Variants in NVL observed in about 807,000 individuals in gnomAD.
NVL encodes the protein nuclear VCP like.
NVL carries 84 observed loss-of-function variants against 110.2 expected under a neutral mutation model. The observed-to-expected ratio is 0.76, with a 90% CI of 0.64 to 0.91. NVL has a LOEUF of 0.91. NVL is among the 40% of genes least tolerant of loss of function. The pLI is 0.00. For synonymous variants in NVL, 354 were observed against 361.1 expected, an observed-to-expected ratio of 0.98 and a Z score of 0.22; for missense variants, 882 against 1,035.9, an observed-to-expected ratio of 0.85 and a Z score of 2.04.
At chr1:224,232,217 G>A (rs1659967616) in intron 21 of NVL, 1 of 151,232 alleles carries the variant, frequency 6.6e-6, no homozygotes, top group South Asian at 2.1e-4. Context: ...GTCAGGTGTG[G>A]TGGCCGGCGC....
chr1:224,283,247 G>C (rs1459413122), intron 15 of NVL, among the ~76,000 whole-genome samples: 1 of 152,126 alleles, frequency 6.6e-6, no homozygotes, highest in African/African-American at 2.4e-5. Context: ...CAGCACTTTG[G>C]GAGGCTGACA....
chr1:224,259,463 A>G (rs2102793395), intron 18 of NVL, among the ~76,000 whole-genome samples: 1 of 152,278 alleles, frequency 6.6e-6, no homozygotes. Context: ...AAACCATTGA[A>G]TGATATACTT....
At chr1:224,268,443 C>T (rs550060864) in intron 17 of NVL, among the ~76,000 whole-genome samples, 1 of 152,228 alleles carries the variant, frequency 6.6e-6, no homozygotes, top group African/African-American at 2.4e-5. Flanking sequence ...CTGATGTTTT[C>T]GAGTTACTCA....
At chr1:224,277,916 A>G (rs866763656) in intron 16 of NVL, among the ~76,000 whole-genome samples, 6 of 152,284 alleles carry the variant, frequency 3.9e-5, no homozygotes, top group Middle Eastern at 6.8e-3. Context: ...CTTATGACCA[A>G]GCACTTTCGG....
intron 10 of NVL, among the ~76,000 whole-genome samples, chr1:224,297,117 A>T (rs1054632534): frequency 6.6e-6 from 1 of 152,220 alleles, no homozygotes; most frequent in African/African-American, 2.4e-5. Context: ...GAAGCTTTTT[A>T]AAAAATCTGT....
At chr1:224,238,317 G>GC (rs1660764481) in intron 19 of NVL, among the ~76,000 whole-genome samples, 1 of 152,154 alleles carries the variant, frequency 6.6e-6, no homozygotes, top group South Asian at 2.1e-4. Context: ...ACAGGTGAGG[G>GC]CCACAGCACC....
intron 2 of NVL, 66 bp from the exon 3 acceptor site, chr1:224,317,996 C>T: frequency 9.4e-7 from 1 of 1,068,790 alleles, no homozygotes; most frequent in Non-Finnish European, 1.4e-6. Flanking sequence ...TAAGTTCAAT[C>T]TAAATGGATC....
At chr1:224,256,230 G>A in intron 18 of NVL, among the ~76,000 whole-genome samples, 1 of 152,032 alleles carries the variant, frequency 6.6e-6, no homozygotes, top group East Asian at 1.9e-4. Context: ...TTCGAGACCA[G>A]CTTGGCCAAC....
intron 17 of NVL, among the ~76,000 whole-genome samples, chr1:224,272,982 C>T (rs1221538498): frequency 7.3e-6 from 1 of 136,128 alleles, no homozygotes; most frequent in Non-Finnish European, 1.6e-5. Flanking sequence ...TGCAGTGAGC[C>T]GAGATCCCGC....
At chr1:224,247,324 G>A (rs960354860) in intron 19 of NVL, among the ~76,000 whole-genome samples, 26 of 151,902 alleles carry the variant, frequency 1.7e-4, no homozygotes, top group African/African-American at 6.0e-4. Context: ...TCCCACCTCA[G>A]CCTACCAAGT....
At chr1:224,237,869 A>G (rs1412350731) in intron 19 of NVL, among the ~76,000 whole-genome samples, 3 of 150,440 alleles carry the variant, frequency 2.0e-5, no homozygotes, top group African/African-American at 7.4e-5. Context: ...CAGGAGAATC[A>G]CTGGAACCCG....
chr1:224,253,816 T>C (rs1224552407), intron 18 of NVL, among the ~76,000 whole-genome samples: 2 of 151,808 alleles, frequency 1.3e-5, no homozygotes, highest in African/African-American at 2.4e-5. Flanking sequence ...CCATCATCAG[T>C]GCATGAAAGT....
chr1:224,303,436 A>C (rs916127318), intron 9 of NVL, among the ~76,000 whole-genome samples: 5 of 138,700 alleles, frequency 3.6e-5, no homozygotes, highest in Admixed American at 2.8e-4. Context: ...CTCTGTCTCC[A>C]AAAAAAAAAA....
In NVL at chr1:224,308,376, CA is replaced by C. The variant is rs374879426; in HGVS notation, c.343-114del. ...TATTTTGTTTTTTAACAACTTCTCT[CA>C]GAACATTTATAATCAGAATATATAG... On this transcript the variant is annotated intron_variant, in intron 5 of 22. Coordinates refer to ENST00000281701, the MANE Select transcript of NVL (RefSeq NM_002533.4). 1.1e-4 allele frequency: 100 copies of C among 919,212 alleles called. 1 individual carries two copies. In the South Asian group the frequency reaches 1.8e-3, roughly 16 times the overall value. 56.9% of individuals were successfully genotyped at this position (919,212 alleles called of 1,614,324 possible). A position where few individuals can be genotyped will look rare whatever the true frequency, so the allele number is the denominator to read the frequency against.
intron 18 of NVL, among the ~76,000 whole-genome samples, chr1:224,256,423 TAA>T (rs34959473): frequency 3.4e-4 from 26 of 75,658 alleles, no homozygotes; most frequent in African/African-American, 1.1e-3. Context: ...AGGCTCCATC[TAA>T]AAAAAAAAAA....
chr1:224,260,846 TACAC>T (rs888762526), intron 18 of NVL, among the ~76,000 whole-genome samples: 1 of 151,416 alleles, frequency 6.6e-6, no homozygotes, highest in African/African-American at 2.4e-5. Flanking sequence ...GGATTACAGG[TACAC>T]ACCAGTGCAT....
At position 224,236,564 on chromosome 1, in the gene NVL, G is replaced by A. The variant is rs764585473; in HGVS notation, c.2308C>T (p.Leu770=). The change falls in exon 20 of 23, where the codon CTG becomes TTG. Residue 770 remains leucine (L), a synonymous_variant. Transcript: ENST00000281701. ...GCTTCCAAATTTACATCTGCATCCAGTGGTGGTTTGGTACCATTCTAAGTA... is the reference window on the plus strand; with the variant it reads ...GCTTCCAAATTTACATCTGCATCCAATGGTGGTTTGGTACCATTCTAAGTA... ...TITKNGTKPP[L]DADVNLEAIA... is the part of the protein sequence containing the mutation. 1.3e-5 allele frequency: 21 copies of A among 1,613,588 alleles called. No homozygotes were observed. In the East Asian group the frequency reaches 4.2e-4, roughly 33 times the overall value.
chr1:224,304,684 T>A, intron 8 of NVL, 52 bp downstream of exon 8: 1 of 1,444,046 alleles, frequency 6.9e-7, no homozygotes, highest in Non-Finnish European at 9.7e-7. Context: ...TTTTTCCTCA[T>A]AACTGATTAG....
At chr1:224,287,619 T>C (rs571270534) in intron 14 of NVL, among the ~76,000 whole-genome samples, 156 bp downstream of exon 14, 1 of 152,294 alleles carries the variant, frequency 6.6e-6, no homozygotes, top group African/African-American at 2.4e-5. Flanking sequence ...AAACCATTGT[T>C]GGGGGCTTGA....
Sources: gnomAD v4.1 joint callset for allele counts (sites outside exome capture counted in the v4.1 genomes callset) on GRCh38, gnomAD v4.1.1 for gene constraint, MANE v1.5 for transcripts, NCBI Gene and HGNC (gene_info 2026-07-23, HGNC 2026-07-21) for gene names.